The following CTNND2 variants were observed in gnomAD, a reference collection of about 807,000 sequenced individuals.
CTNND2 encodes catenin delta 2.
Under a neutral mutation model 144.4 loss-of-function variants are expected in CTNND2, and 22 were observed. The ratio of observed to expected loss-of-function variants is 0.15; its 90% confidence interval spans 0.11 to 0.22. The LOEUF is 0.22. Among genes scored for constraint, CTNND2 ranks in the 10% least tolerant of loss-of-function variants. The pLI is 1.00. For synonymous variants in CTNND2, 751 were observed against 695.6 expected (o/e 1.08, Z -1.25); for missense variants, 1,353 against 1,618.8 (o/e 0.84, Z 2.82).
At chr5:11,801,772 AC>A (rs1791695175) in intron 1 of CTNND2, among the ~76,000 whole-genome samples, 1 of 152,210 alleles carries the variant, frequency 6.6e-6, no homozygotes, top group Non-Finnish European at 1.5e-5. Flanking sequence ...CAATAACTGG[AC>A]AATAATCAGT....
intron 2 of CTNND2, among the ~76,000 whole-genome samples, chr5:11,650,099 T>C (rs1247974707): frequency 6.6e-6 from 1 of 152,164 alleles, no homozygotes; most frequent in Non-Finnish European, 1.5e-5. Context: ...TAATCCCCAA[T>C]GTTGGAGGAG....
At position 11,594,455 on chromosome 5, in the gene CTNND2, A is replaced by G. The variant is rs183874005; in HGVS notation, c.175-29399T>C. On this transcript the variant is annotated intron_variant, in intron 2 of 21. Coordinates refer to ENST00000304623, the MANE Select transcript of CTNND2 (RefSeq NM_001332.4). ...ATGCATGTATGAAAACAGGAATATT[A>G]TTTACTTACTAAATGTTCTTGATTT... 7.2e-5 allele frequency among the ~76,000 whole-genome samples: 11 copies of G among 152,310 alleles called. No individual in the cohort carries two copies. The East Asian group carries it at 1.9e-3, about 27-fold the overall frequency.
intron 1 of CTNND2, among the ~76,000 whole-genome samples, chr5:11,769,944 A>C (rs566868774): frequency 6.6e-6 from 1 of 152,212 alleles, no homozygotes; most frequent in African/African-American, 2.4e-5. Context: ...AAAATATGTT[A>C]GCAGTCTAAT....
intron 9 of CTNND2, among the ~76,000 whole-genome samples, chr5:11,338,286 G>A (rs1753916582): frequency 6.6e-6 from 1 of 152,154 alleles, no homozygotes; most frequent in African/African-American, 2.4e-5. Flanking sequence ...CAGAATGCCT[G>A]GAGCCCACTT....
chr5:11,593,577 C>G (rs908098375), intron 2 of CTNND2, among the ~76,000 whole-genome samples: 1 of 152,142 alleles, frequency 6.6e-6, no homozygotes, highest in Non-Finnish European at 1.5e-5. Context: ...AGGTTTTTCC[C>G]GTGCTGTTCT....
chr5:11,539,908 T>C (rs1198970947), intron 3 of CTNND2, among the ~76,000 whole-genome samples: 2 of 151,846 alleles, frequency 1.3e-5, no homozygotes, highest in East Asian at 3.9e-4. Flanking sequence ...GTGGTGGGCG[T>C]CTGTAATCCC....
At chr5:11,076,040 A>G (rs768743346) in intron 16 of CTNND2, among the ~76,000 whole-genome samples, 1 of 152,262 alleles carries the variant, frequency 6.6e-6, no homozygotes, top group African/African-American at 2.4e-5. Flanking sequence ...AAAGTGCTAG[A>G]CACTGTCAGA....
chr5:11,766,882 C>T (rs1233374418), intron 1 of CTNND2, among the ~76,000 whole-genome samples: 1 of 152,134 alleles, frequency 6.6e-6, no homozygotes, highest in African/African-American at 2.4e-5. Context: ...CAGAAATGTT[C>T]ACGGTAATAA....
intron 3 of CTNND2, among the ~76,000 whole-genome samples, chr5:11,561,045 G>A (rs553647488): frequency 6.6e-6 from 1 of 152,280 alleles, no homozygotes; most frequent in South Asian, 2.1e-4. Context: ...AGGACTGGAT[G>A]GCTCATTAAG....
intron 2 of CTNND2, among the ~76,000 whole-genome samples, chr5:11,650,138 G>A (rs1362384479): frequency 6.6e-6 from 1 of 152,088 alleles, no homozygotes; most frequent in African/African-American, 2.4e-5. Flanking sequence ...TTGGATCGTG[G>A]GGGTGATTTC....
chr5:11,046,404 G>C (rs929722852), intron 16 of CTNND2, among the ~76,000 whole-genome samples: 2 of 152,188 alleles, frequency 1.3e-5, no homozygotes, highest in African/African-American at 2.4e-5. Flanking sequence ...GTCCCTCACA[G>C]CCTTCCAAGG....
intron 2 of CTNND2, among the ~76,000 whole-genome samples, chr5:11,640,019 T>C (rs1230156033): frequency 1.3e-5 from 2 of 152,068 alleles, no homozygotes; most frequent in African/African-American, 2.4e-5. Context: ...CATATAAAAA[T>C]CCAGGTGAAA....
intron 12 of CTNND2, among the ~76,000 whole-genome samples, chr5:11,140,720 A>G (rs191754417): frequency 1.3e-5 from 2 of 152,314 alleles, no homozygotes; most frequent in East Asian, 3.9e-4. Context: ...GGGAAAACAC[A>G]GTCTTTACCA....
chr5:11,130,542 T>G (rs369306864), intron 12 of CTNND2, among the ~76,000 whole-genome samples: 73 of 152,324 alleles, frequency 4.8e-4, no homozygotes, highest in African/African-American at 1.4e-3. Flanking sequence ...AAATGTCTGC[T>G]GAAAGTTTCC....
chr5:11,063,813 T>TG (rs966138643), intron 16 of CTNND2, among the ~76,000 whole-genome samples: 3 of 136,094 alleles, frequency 2.2e-5, no homozygotes, highest in African/African-American at 8.0e-5. Flanking sequence ...GGGGTGGGGT[T>TG]GGGGGGCATA....
chr5:11,728,072 C>G (rs1230006785), intron 2 of CTNND2, among the ~76,000 whole-genome samples: 1 of 152,154 alleles, frequency 6.6e-6, no homozygotes, highest in African/African-American at 2.4e-5. Context: ...TGTAAAAGAT[C>G]TAGTTTCTTT....
intron 15 of CTNND2, among the ~76,000 whole-genome samples, chr5:11,085,929 G>T (rs1750090263): frequency 6.6e-6 from 1 of 152,162 alleles, no homozygotes; most frequent in South Asian, 2.1e-4. Context: ...AAGACTCAGT[G>T]AAGTCTCCTG....
At chr5:11,041,454 G>C (rs1744690668) in intron 16 of CTNND2, among the ~76,000 whole-genome samples, 1 of 152,118 alleles carries the variant, frequency 6.6e-6, no homozygotes, top group Admixed American at 6.6e-5. Context: ...AAGTCTCTTA[G>C]GCAGAAGCTC....
At chr5:11,117,898 C>G (rs1346197870) in intron 12 of CTNND2, among the ~76,000 whole-genome samples, 1 of 152,164 alleles carries the variant, frequency 6.6e-6, no homozygotes, top group Non-Finnish European at 1.5e-5. Context: ...CTTTTTGATT[C>G]AAAGGATTCC....
Sources: gnomAD v4.1 joint callset for allele counts (sites outside exome capture counted in the v4.1 genomes callset) on GRCh38, gnomAD v4.1.1 for gene constraint, MANE v1.5 for transcripts, NCBI Gene and HGNC (gene_info 2026-07-23, HGNC 2026-07-21) for gene names.